The following DOCK9 variants were observed in gnomAD, a reference collection of about 807,000 sequenced individuals.
DOCK9 encodes the protein dedicator of cytokinesis 9, also known as dedicator of cytokinesis protein 9.
DOCK9 carries 89 observed loss-of-function variants against 263.3 expected under a neutral mutation model. The ratio of observed to expected loss-of-function variants is 0.34; its 90% CI spans 0.28 to 0.40. The LOEUF (loss-of-function observed/expected upper bound fraction) is 0.40. DOCK9 is among the 10% of genes least tolerant of loss of function. The pLI is 1.00. For synonymous variants in DOCK9, 976 were observed against 973.1 expected (o/e 1.00, Z -0.06); for missense variants, 2,140 against 2,603.4 (o/e 0.82, Z 3.87).
chr13:99,034,037 T>C (rs983660324), intron 1 of DOCK9, among the ~76,000 whole-genome samples: 4 of 152,154 alleles, frequency 2.6e-5, no homozygotes, highest in Non-Finnish European at 5.9e-5. Context: ...TGGAAGATCC[T>C]CAGGATGAGA....
chr13:98,930,085 T>G (rs2053659913), intron 3 of DOCK9, 83 bp downstream of exon 3: 1 of 1,267,102 alleles, frequency 7.9e-7, no homozygotes, highest in Admixed American at 2.0e-5. Flanking sequence ...GACACTTCCT[T>G]GACAATTTTG....
chr13:98,951,873 ATCACATGTACTTTACT>A (rs1455151185), intron 2 of DOCK9, among the ~76,000 whole-genome samples: 1 of 150,970 alleles, frequency 6.6e-6, no homozygotes, highest in East Asian at 1.9e-4. Flanking sequence ...GCCATGGCAG[ATCACATGTACTTTACT>A]TCATTAATAT....
Position 98,809,030 on chromosome 13 carries a change from A to T in DOCK9, c.5367+322T>A, listed in dbSNP as rs1054875151. On this transcript the variant is annotated intron_variant, in intron 47 of 52. Coordinates refer to ENST00000682017, the MANE Select transcript of DOCK9 (RefSeq NM_001366683.2). Reference sequence around the variant, plus strand: ...TTTTTTTGGAGTTTGTAATAACTAGACAGATAAACATACAGACTTGAAAAG... The same window carrying T: ...TTTTTTTGGAGTTTGTAATAACTAGTCAGATAAACATACAGACTTGAAAAG... The T allele has an allele frequency of 2.1e-6, 3 of 1,449,918 alleles. No individual in the cohort carries two copies. In the Admixed American group the frequency reaches 8.6e-5, roughly 42 times the overall value. 89.8% of individuals were successfully genotyped at this position (1,449,918 alleles called of 1,614,324 possible).
intron 1 of DOCK9, among the ~76,000 whole-genome samples, chr13:99,012,310 G>A (rs1884632931): frequency 6.6e-6 from 1 of 152,170 alleles, no homozygotes; most frequent in Non-Finnish European, 1.5e-5. Context: ...GGACAAACTA[G>A]GCAGACCAGG....
At chr13:98,865,749 G>A (rs2094002280) in intron 30 of DOCK9, among the ~76,000 whole-genome samples, 1 of 152,166 alleles carries the variant, frequency 6.6e-6, no homozygotes, top group Non-Finnish European at 1.5e-5. Flanking sequence ...GGGAGGCTGT[G>A]GTGAGGTTGG....
chr13:98,837,473 G>T, intron 39 of DOCK9, 21 bp downstream of exon 39: 2 of 1,555,732 alleles, frequency 1.3e-6, no homozygotes, highest in Non-Finnish European at 8.9e-7. Context: ...CTAGAACCAC[G>T]AACAGCAAAT....
chr13:98,907,232 T>A (rs1189894091), intron 9 of DOCK9, among the ~76,000 whole-genome samples: 1 of 152,240 alleles, frequency 6.6e-6, no homozygotes, highest in East Asian at 1.9e-4. Flanking sequence ...TACTAGGTGC[T>A]GCAAGCCACC....
chr13:98,806,914 A>G (rs1348012057), intron 48 of DOCK9, among the ~76,000 whole-genome samples: 1 of 152,200 alleles, frequency 6.6e-6, no homozygotes, highest in African/African-American at 2.4e-5. Context: ...ATCTCAAAAA[A>G]AAAAAAAAAG....
Position 98,930,037 on chromosome 13 carries a change from T to C in DOCK9, c.333+131A>G, listed in dbSNP as rs1157228143. 8.9e-6 allele frequency: 7 copies of C among 790,610 alleles called. No individual in the cohort carries two copies. The African/African-American group carries it at 1.2e-4, about 14-fold the overall frequency. 49.0% of individuals were successfully genotyped at this position (790,610 alleles called of 1,614,324 possible). A position where few individuals can be genotyped will look rare whatever the true frequency, so the allele number is the denominator to read the frequency against. On this transcript the variant is annotated intron_variant, in intron 3 of 52. Coordinates refer to ENST00000682017, the MANE Select transcript of DOCK9 (RefSeq NM_001366683.2). ...AGAGTCTGAAAAATTCACATTATTC[T>C]ATTTGAACTTCCATCATAGAAATAC...
intron 1 of DOCK9, among the ~76,000 whole-genome samples, chr13:99,047,456 C>T (rs188015166): frequency 1.3e-5 from 2 of 151,456 alleles, no homozygotes; most frequent in South Asian, 4.2e-4. Flanking sequence ...ATTTTCACTC[C>T]TTAGGTGTTG....
At chr13:98,961,236 C>T (rs1039783725) in intron 1 of DOCK9, among the ~76,000 whole-genome samples, 8 of 152,168 alleles carry the variant, frequency 5.3e-5, no homozygotes, top group Non-Finnish European at 1.0e-4. Flanking sequence ...AAAGTTTGAA[C>T]TCCCTACCAA....
chr13:99,030,219 G>A (rs998364201), intron 1 of DOCK9, among the ~76,000 whole-genome samples: 2 of 152,132 alleles, frequency 1.3e-5, no homozygotes, highest in East Asian at 3.8e-4. Context: ...ACTAAAACTT[G>A]TTGAATTGTA....
intron 45 of DOCK9, among the ~76,000 whole-genome samples, chr13:98,821,994 A>C (rs565996901): frequency 1.3e-5 from 2 of 152,326 alleles, no homozygotes; most frequent in South Asian, 4.1e-4. Context: ...CCTGGCAGCC[A>C]ATGCAAAAAC....
chr13:98,808,604 T>C (rs2140194546), intron 47 of DOCK9: 2 of 1,439,446 alleles, frequency 1.4e-6, no homozygotes, highest in South Asian at 1.2e-5. Flanking sequence ...GTAATTTCAC[T>C]ATATTACTTG....
upstream of DOCK9, among the ~76,000 whole-genome samples, chr13:98,978,331 T>C (rs1875867514): frequency 4.6e-5 from 7 of 152,236 alleles, no homozygotes. Context: ...CTGAAGCTCG[T>C]GGAGCTTAAG....
chr13:99,017,933 A>C (rs958691745), intron 1 of DOCK9, among the ~76,000 whole-genome samples: 2 of 152,238 alleles, frequency 1.3e-5, no homozygotes, highest in Non-Finnish European at 2.9e-5. Flanking sequence ...GTGTTAGCTA[A>C]CTCAATTGTG....
intron 1 of DOCK9, among the ~76,000 whole-genome samples, chr13:99,022,364 G>A (rs1886219290): frequency 6.6e-6 from 1 of 152,178 alleles, no homozygotes; most frequent in Non-Finnish European, 1.5e-5. Flanking sequence ...CAGGTCTGTT[G>A]CTAATAGTGT....
At chr13:99,027,081 A>G (rs9300524) in intron 1 of DOCK9, among the ~76,000 whole-genome samples, 78,963 of 151,390 alleles carry the variant, frequency 0.52, 20,822 homozygotes, top group South Asian at 0.68. Context: ...GTGTAGTGCC[A>G]CAATCTCGGC....
At chr13:98,875,483 C>G (rs558583219) in intron 27 of DOCK9, among the ~76,000 whole-genome samples, 1 of 152,326 alleles carries the variant, frequency 6.6e-6, no homozygotes, top group African/African-American at 2.4e-5. Context: ...ATATATTCAT[C>G]CTACCCTATG....
Sources: gnomAD v4.1 joint callset for allele counts (sites outside exome capture counted in the v4.1 genomes callset) on GRCh38, gnomAD v4.1.1 for gene constraint, MANE v1.5 for transcripts, NCBI Gene and HGNC (gene_info 2026-07-23, HGNC 2026-07-21) for gene names.